NOL4: variants seen among roughly 807,000 people sequenced by gnomAD.
The protein encoded by NOL4 is nucleolar protein 4, also known as cancer/testis antigen 125.
Under a neutral mutation model 75.9 loss-of-function variants are expected in NOL4, and 17 were observed. The ratio of observed to expected loss-of-function variants is 0.22; its 90% CI spans 0.15 to 0.34. The LOEUF is 0.34. Among genes scored for constraint, NOL4 ranks in the 10% least tolerant of loss-of-function variants. The pLI is 1.00. For synonymous variants in NOL4, 292 were observed against 289.9 expected (o/e 1.01, Z -0.07); for missense variants, 614 against 793.5 (o/e 0.77, Z 2.72).
At chr18:34,120,168 C>A (rs2080073161) in intron 2 of NOL4, among the ~76,000 whole-genome samples, 1 of 151,994 alleles carries the variant, frequency 6.6e-6, no homozygotes, top group Admixed American at 6.6e-5. Context: ...ATTGTTATGT[C>A]AGGAAAATCT....
chr18:34,190,087 C>CAT (rs1166432366), intron 1 of NOL4, among the ~76,000 whole-genome samples: 4 of 150,722 alleles, frequency 2.7e-5, no homozygotes, highest in Non-Finnish European at 4.4e-5. Flanking sequence ...CACACACACA[C>CAT]GCATATATAT....
chr18:34,173,841 T>G (rs2033286071), intron 1 of NOL4, among the ~76,000 whole-genome samples: 1 of 152,166 alleles, frequency 6.6e-6, no homozygotes, highest in South Asian at 2.1e-4. Flanking sequence ...TGAATGCATT[T>G]TTACTAAGGA....
At chr18:33,987,851 T>C (rs2072585174) in intron 6 of NOL4, among the ~76,000 whole-genome samples, 1 of 152,010 alleles carries the variant, frequency 6.6e-6, no homozygotes, top group Non-Finnish European at 1.5e-5. Flanking sequence ...TGAGGAGACT[T>C]GGAGCCACCC....
intron 10 of NOL4, among the ~76,000 whole-genome samples, chr18:33,874,371 ATTC>A (rs1368880096): frequency 1.3e-5 from 2 of 151,988 alleles, no homozygotes; most frequent in African/African-American, 4.8e-5. Flanking sequence ...GATATGAAAC[ATTC>A]TTCTTCTTCC....
At chr18:34,027,279 G>A (rs1229017149) in intron 5 of NOL4, among the ~76,000 whole-genome samples, 2 of 152,062 alleles carry the variant, frequency 1.3e-5, no homozygotes, top group Non-Finnish European at 2.9e-5. Context: ...CATGTGGGTT[G>A]GAGAATAGGT....
intron 1 of NOL4, among the ~76,000 whole-genome samples, chr18:34,165,893 A>C (rs986849599): frequency 1.3e-5 from 2 of 151,992 alleles, no homozygotes; most frequent in African/African-American, 4.8e-5. Flanking sequence ...AGTATGTCAT[A>C]CATTTCTTTA....
chr18:34,019,865 G>T lies in NOL4; in HGVS notation c.773-264C>A, dbSNP rs527268849. 5.3e-5 allele frequency among the ~76,000 whole-genome samples: 8 copies of T among 151,728 alleles called. No individual in the cohort carries two copies. In the East Asian group the frequency reaches 1.4e-3, roughly 26 times the overall value. On this transcript the variant is annotated intron_variant, in intron 5 of 10. Transcript: ENST00000261592. ...TAGTGGGGTCTAGTGGCAGGTGTTT[G>T]GGTCATGAGGGTGGATTTTTCATGA... is the stretch of plus-strand genomic sequence containing the variant.
At chr18:34,059,176 G>T (rs537540541) in intron 5 of NOL4, among the ~76,000 whole-genome samples, 17 of 141,798 alleles carry the variant, frequency 1.2e-4, no homozygotes, top group African/African-American at 4.4e-4. Context: ...TAGTTTATAT[G>T]TGCCAGATAC....
intron 5 of NOL4, among the ~76,000 whole-genome samples, chr18:34,030,337 T>C (rs2075573562): frequency 6.6e-6 from 1 of 152,226 alleles, no homozygotes; most frequent in Non-Finnish European, 1.5e-5. Context: ...GCTTATTTTT[T>C]CTTCTGGGGG....
At chr18:34,123,278 G>A (rs1009646286) in intron 2 of NOL4, among the ~76,000 whole-genome samples, 2 of 151,470 alleles carry the variant, frequency 1.3e-5, no homozygotes, top group Non-Finnish European at 2.9e-5. Flanking sequence ...TTTTAGGATT[G>A]CTAGTTAATA....
chr18:34,150,117 T>C (rs983077288), intron 1 of NOL4, among the ~76,000 whole-genome samples: 6 of 151,714 alleles, frequency 4.0e-5, no homozygotes, highest in Admixed American at 3.3e-4. Context: ...TAATTTATGA[T>C]TAATTGAATT....
chr18:33,934,141 A>T (rs1347003520), intron 9 of NOL4, among the ~76,000 whole-genome samples: 3 of 151,320 alleles, frequency 2.0e-5, no homozygotes, highest in Non-Finnish European at 4.4e-5. Flanking sequence ...CAATATTTTG[A>T]AAGGAATCTT....
At chr18:33,956,983 C>T (rs1438007102) in intron 8 of NOL4, among the ~76,000 whole-genome samples, 1 of 152,094 alleles carries the variant, frequency 6.6e-6, no homozygotes, top group Non-Finnish European at 1.5e-5. Context: ...ACTTAAATAA[C>T]CTCATGCCCA....
At chr18:33,963,830 A>G (rs1252142117) in intron 6 of NOL4, among the ~76,000 whole-genome samples, 1 of 152,126 alleles carries the variant, frequency 6.6e-6, no homozygotes, top group African/African-American at 2.4e-5. Flanking sequence ...TTCCCACTTG[A>G]AGGAAACGTG....
chr18:33,987,260 C>G (rs765673370), intron 6 of NOL4, among the ~76,000 whole-genome samples: 1 of 151,962 alleles, frequency 6.6e-6, no homozygotes, highest in Non-Finnish European at 1.5e-5. Context: ...CTGAAATGAC[C>G]GTGATCATGA....
At chr18:33,925,042 G>A (rs1436084060) in intron 9 of NOL4, among the ~76,000 whole-genome samples, 1 of 151,982 alleles carries the variant, frequency 6.6e-6, no homozygotes, top group African/African-American at 2.4e-5. Context: ...TCTTACTTGT[G>A]TAAATTTCAG....
intron 10 of NOL4, among the ~76,000 whole-genome samples, chr18:33,879,075 T>C (rs1423887701): frequency 6.6e-6 from 1 of 152,092 alleles, no homozygotes; most frequent in African/African-American, 2.4e-5. Flanking sequence ...CGTTAAACAA[T>C]TGAAGTTTAT....
At chr18:34,019,066 A>C (rs569760883) in intron 6 of NOL4, among the ~76,000 whole-genome samples, 1 of 152,262 alleles carries the variant, frequency 6.6e-6, no homozygotes, top group South Asian at 2.1e-4. Flanking sequence ...TATACATGAG[A>C]AACATTAACT....
intron 6 of NOL4, among the ~76,000 whole-genome samples, chr18:34,016,934 G>A (rs950137870): frequency 6.6e-6 from 1 of 152,046 alleles, no homozygotes; most frequent in African/African-American, 2.4e-5. Context: ...CCTGCAAAAG[G>A]ATGTCATGTT....
Sources: allele counts gnomAD v4.1 joint callset (sites outside exome capture counted in the v4.1 genomes callset), GRCh38; gene constraint gnomAD v4.1.1; transcripts MANE v1.5; gene names NCBI Gene and HGNC (gene_info 2026-07-23, HGNC 2026-07-21).